DMRTA2: variants seen among roughly 807,000 people sequenced by gnomAD.
The protein encoded by DMRTA2 is doublesex- and mab-3-related transcription factor A2.
In DMRTA2, 10 loss-of-function variants were observed where a neutral mutation model predicts 29.7. The ratio of observed to expected loss-of-function variants is 0.34; its 90% CI spans 0.21 to 0.57. DMRTA2 has a LOEUF of 0.57. Among genes scored for constraint, DMRTA2 ranks in the 20% least tolerant of loss-of-function variants. The probability of loss-of-function intolerance (pLI) is 0.87; values close to 1 mark genes in which losing one functional copy is unlikely to be tolerated. For synonymous variants in DMRTA2, 469 were observed against 402.6 expected, an observed-to-expected ratio of 1.16 and a Z score of -1.97; for missense variants, 783 against 812.1, an observed-to-expected ratio of 0.96 and a Z score of 0.44.
rs1344912935 is a variant in DMRTA2 at position 50,418,071 on chromosome 1, A to C, written c.*594T>G. 1 of 151,984 alleles carries C rather than the reference A, an allele frequency of 6.6e-6. No individual in the cohort carries two copies. The highest frequency in any genetic ancestry group is 1.5e-5 in the Non-Finnish European group (1 of 68,032). 9.4% of individuals were successfully genotyped at this position (151,984 alleles called of 1,614,324 possible). A position where few individuals can be genotyped will look rare whatever the true frequency, so the allele number is the denominator to read the frequency against. ...ACCAAGGAAACCCATGCTTATCGGC[A>C]TAAGCAACAAAGAGAGCGACAAATA... On this transcript the variant is annotated 3_prime_UTR_variant, in exon 3 of 3. Transcript: ENST00000404795.
Position 50,419,514 on chromosome 1 carries a change from A to C in DMRTA2, c.780T>G (p.Gly260=), listed in dbSNP as rs189260891. ...SPLARASKEA[G]GSCPGSAGPG... ...GGCCAGCGCTGCCTGGGCAGCTGCCACCTGCCTCTTTGGAGGCCCGAGCTA... is the reference window on the plus strand; with the variant it reads ...GGCCAGCGCTGCCTGGGCAGCTGCCCCCTGCCTCTTTGGAGGCCCGAGCTA... The change falls in exon 3 of 3, where the codon GGT becomes GGG. Residue 260 remains glycine (G), a synonymous_variant. Coordinates refer to ENST00000404795, the MANE Select transcript of DMRTA2 (RefSeq NM_032110.3). This position sits in a 1 kb window ranked among gnomAD's most constrained non-coding sequence, Gnocchi z 6.1. The C allele has an allele frequency of 2.5e-6, 4 of 1,586,090 alleles. No individual in the cohort carries two copies.
Position 50,421,065 on chromosome 1 carries a change from C to G in DMRTA2, c.472G>C (p.Gly158Arg). Residue 158 changes from glycine to arginine, a missense_variant, in exon 2 of 3, where the codon GGT (glycine) becomes CGT (arginine). Gly to Arg is a moderately radical substitution (Grantham distance 125). Coordinates refer to ENST00000404795, the MANE Select transcript of DMRTA2 (RefSeq NM_032110.3). This position sits in a 1 kb window ranked among gnomAD's most constrained non-coding sequence, Gnocchi z 8.7. The stretch of plus-strand genomic sequence containing the variant: ...CCGCCGTCGGCGGCGCACACTGAAC[C>G]GAAGACCTCGTAGGCGGGCCTCGGG... ...IPPRPAYEVF[G>R]SVCAADGGGP... 1 of 1,520,636 alleles carries G rather than the reference C, an allele frequency of 6.6e-7. No individual in the cohort carries two copies. Among genetic ancestry groups the G allele is most frequent in the South Asian group, 1.2e-5 (1 of 82,524 alleles). 94.2% of individuals were successfully genotyped at this position (1,520,636 alleles called of 1,614,324 possible).
chr1:50,421,073 T>C lies in DMRTA2; in HGVS notation c.464A>G (p.Glu155Gly). Residue 155 changes from glutamate (E) to glycine (G), a missense_variant, in exon 2 of 3, where the codon GAG becomes GGG. Coordinates refer to ENST00000404795, the MANE Select transcript of DMRTA2 (RefSeq NM_032110.3). This position sits in a 1 kb window ranked among gnomAD's most constrained non-coding sequence, Gnocchi z 8.7. ...NGIIPPRPAY[E>G]VFGSVCAADG... ...GGCGGCGCACACTGAACCGAAGACCTCGTAGGCGGGCCTCGGGGGGATGAT... is the reference window on the plus strand; with the variant it reads ...GGCGGCGCACACTGAACCGAAGACCCCGTAGGCGGGCCTCGGGGGGATGAT... The C allele has an allele frequency of 6.6e-7, 1 of 1,521,504 alleles. No individual in the cohort carries two copies. Among genetic ancestry groups the C allele is most frequent in the East Asian group, 2.6e-5 (1 of 38,538 alleles). The allele number at this position is 1,521,504 out of a possible 1,614,324, so 94.3% of individuals were successfully genotyped here.
chr1:50,418,366 C>G lies in DMRTA2; in HGVS notation c.*299G>C, dbSNP rs1167405141. On this transcript the variant is annotated 3_prime_UTR_variant, in exon 3 of 3. Coordinates refer to ENST00000404795, the MANE Select transcript of DMRTA2 (RefSeq NM_032110.3). ...GCTGCTGTCGCAGCCTCTGAATTCTCATGAATTCCCAGCCTTTTGGAAAGG... is the reference window on the plus strand; with the variant it reads ...GCTGCTGTCGCAGCCTCTGAATTCTGATGAATTCCCAGCCTTTTGGAAAGG... The G allele has an allele frequency of 1.7e-5, 5 of 292,202 alleles. No individual in the cohort carries two copies. The highest frequency in any genetic ancestry group is 1.3e-5 in the Non-Finnish European group (2 of 158,598). The allele number at this position is 292,202 out of a possible 1,614,324, so 18.1% of individuals were successfully genotyped here. A position where few individuals can be genotyped will look rare whatever the true frequency, so the allele number is the denominator to read the frequency against.
rs1646052881 is a variant in DMRTA2, at chr1:50,423,310, G to T, written c.-203C>A. 1 of 152,236 alleles carries T rather than the reference G, an allele frequency of 6.6e-6. No homozygotes were observed. Among genetic ancestry groups the T allele is most frequent in the Admixed American group, 6.5e-5 (1 of 15,288 alleles). The allele number at this position is 152,236 out of a possible 1,614,324, so 9.4% of individuals were successfully genotyped here. A position where few individuals can be genotyped will look rare whatever the true frequency, so the allele number is the denominator to read the frequency against. ...GTCCAACCCTCCCTTCAGAAATCCG[G>T]GTCGGAGGCTCGTCTGCGGGCCGCG... On this transcript the variant is annotated 5_prime_UTR_variant, in exon 1 of 3. Coordinates refer to ENST00000404795, the MANE Select transcript of DMRTA2 (RefSeq NM_032110.3).
Position 50,420,242 on chromosome 1 carries a change from C to G in DMRTA2, c.560-508G>C, listed in dbSNP as rs779250684. Among the ~76,000 whole-genome samples the G allele has an allele frequency of 1.3e-5, 2 of 152,146 alleles. No individual in the cohort carries two copies. Among genetic ancestry groups the G allele is most frequent in the African/African-American group, 2.4e-5 (1 of 41,424 alleles). On this transcript the variant is annotated intron_variant, in intron 2 of 2. Transcript: ENST00000404795. This position sits in a 1 kb window ranked among gnomAD's most constrained non-coding sequence, Gnocchi z 4.1. Reference sequence around the variant, plus strand: ...CAGAAGTACAGCCCCTGTTTCTAATCCACCCTTTCCAAAATTGAGACCTGA... The same window carrying G: ...CAGAAGTACAGCCCCTGTTTCTAATGCACCCTTTCCAAAATTGAGACCTGA...
rs1004487148 is a variant in DMRTA2, at chr1:50,418,675, T to C, written c.1619A>G (p.Glu540Gly). The C allele has an allele frequency of 5.7e-6, 8 of 1,404,046 alleles. No homozygotes were observed. The highest frequency in any genetic ancestry group is 2.6e-4 in the Middle Eastern group (1 of 3,916). 87.0% of individuals were successfully genotyped at this position (1,404,046 alleles called of 1,614,324 possible). Residue 540 changes from glutamate (E) to glycine (G), a missense_variant, in exon 3 of 3, where the codon GAG becomes GGG. Physicochemically the swap from Glu to Gly is moderately conservative, Grantham distance 98. Transcript: ENST00000404795. The stretch of plus-strand genomic sequence containing the variant: ...GCCAGGCCCCTCGCCCTACTGCTTC[T>C]CCGGAGCGCCGTTGACCATAGGCCC... ...LYGPMVNGAP[E>G]KQ
rs1353342735 is a variant in DMRTA2 at position 50,420,962 on chromosome 1, C to G, written c.559+16G>C. On this transcript the variant is annotated intron_variant, in intron 2 of 2. Transcript: ENST00000404795. The surrounding 1 kb of genome is among the most constrained non-coding windows in gnomAD (Gnocchi z 4.1). Reference sequence around the variant, plus strand: ...CGATCCTGCTGCCCCTACCTGCGGCCTGGCCGCGCTCTCACCTGAGCCCCC... The same window carrying G: ...CGATCCTGCTGCCCCTACCTGCGGCGTGGCCGCGCTCTCACCTGAGCCCCC... The G allele has an allele frequency of 4.2e-6, 6 of 1,444,328 alleles. No individual in the cohort carries two copies. Among genetic ancestry groups the G allele is most frequent in the African/African-American group, 1.5e-5 (1 of 66,726 alleles). The allele number at this position is 1,444,328 out of a possible 1,614,324, so 89.5% of individuals were successfully genotyped here.
rs984014661 is a variant in DMRTA2, at chr1:50,418,143, T to A, written c.*522A>T. 1 of 152,010 alleles carries A rather than the reference T, an allele frequency of 6.6e-6. No individual in the cohort carries two copies. Among genetic ancestry groups the A allele is most frequent in the Non-Finnish European group, 1.5e-5 (1 of 68,024 alleles). The allele number at this position is 152,010 out of a possible 1,614,324, so 9.4% of individuals were successfully genotyped here. On this transcript the variant is annotated 3_prime_UTR_variant, in exon 3 of 3. Transcript: ENST00000404795. Reference sequence around the variant, plus strand: ...TTAAAACTTGTTTCCTTTTTTTTTTTTTACAATTGTATCGATATATATGTG... The same window carrying A: ...TTAAAACTTGTTTCCTTTTTTTTTTATTACAATTGTATCGATATATATGTG...
Position 50,418,640 on chromosome 1 carries a change from C to G in DMRTA2, c.*25G>C. 1.5e-6 allele frequency: 2 copies of G among 1,368,414 alleles called. No homozygotes were observed. The highest frequency in any genetic ancestry group is 1.9e-6 in the Non-Finnish European group (2 of 1,057,412). The allele number at this position is 1,368,414 out of a possible 1,614,324, so 84.8% of individuals were successfully genotyped here. Reference sequence around the variant, plus strand: ...CAGGGCTGGGGTTCCTGTTTGGGGACCGGCCGGCTGCCAGGCCCCTCGCCC... The same window carrying G: ...CAGGGCTGGGGTTCCTGTTTGGGGAGCGGCCGGCTGCCAGGCCCCTCGCCC... On this transcript the variant is annotated 3_prime_UTR_variant, in exon 3 of 3. Coordinates refer to ENST00000404795, the MANE Select transcript of DMRTA2 (RefSeq NM_032110.3).
rs1383988784 is a variant in DMRTA2 at position 50,422,413 on chromosome 1, A to G, written c.-9+703T>C. On this transcript the variant is annotated intron_variant, in intron 1 of 2. Coordinates refer to ENST00000404795, the MANE Select transcript of DMRTA2 (RefSeq NM_032110.3). This position sits in a 1 kb window ranked among gnomAD's most constrained non-coding sequence, Gnocchi z 5.7. The stretch of plus-strand genomic sequence containing the variant: ...CAAAGATGAGCTTCATGGGCAAGGA[A>G]AACAGTGAAAAGCAGCTGATCTGGG... 1.3e-5 allele frequency among the ~76,000 whole-genome samples: 2 copies of G among 152,194 alleles called. No individual in the cohort carries two copies. Among genetic ancestry groups the G allele is most frequent in the Non-Finnish European group, 2.9e-5 (2 of 68,040 alleles).
Position 50,418,847 on chromosome 1 carries a change from T to G in DMRTA2, c.1447A>C (p.Met483Leu). 3 of 1,571,060 alleles carry G rather than the reference T, an allele frequency of 1.9e-6. No homozygotes were observed. The highest frequency in any genetic ancestry group is 2.6e-6 in the Non-Finnish European group (3 of 1,162,650). ...AAAHSRGLAF[M>L]APYSTAGLVP... ...AAGCCGGCAGTGGAGTAGGGCGCCA[T>G]GAAGGCCAGACCGCGGCTGTGCGCC... The change falls in exon 3 of 3, where the codon ATG becomes CTG. Residue 483 changes from methionine (M) to leucine (L), a missense_variant. Physicochemically the swap from Met to Leu is conservative, Grantham distance 15. This residue lies in a region of DMRTA2 where 667 missense variants were observed against 624.8 expected (regional missense o/e 1.07). Transcript: ENST00000404795.
At position 50,418,952 on chromosome 1, in the gene DMRTA2, A is replaced by T; in HGVS notation, c.1342T>A (p.Phe448Ile). ...GGGTAGGCGCCCGCGTCGGCACCGA[A>T]GTGACTGGCGTTGGGCTGCAGCGGC... ...FSPLQPNASHFGADAGAYPLG... is the reference protein window; with the variant it reads ...FSPLQPNASHIGADAGAYPLG... Residue 448 changes from phenylalanine to isoleucine, a missense_variant, in exon 3 of 3, where the codon TTC becomes ATC. By Grantham distance (21) the Phe-to-Ile change is conservative. Around this residue, in one of 3 missense-constraint regions of DMRTA2, gnomAD observed 667 missense variants for 624.8 expected, o/e 1.07. Transcript: ENST00000404795. 6.9e-7 allele frequency: 1 copy of T among 1,451,612 alleles called. No homozygotes were observed. The highest frequency in any genetic ancestry group is 9.0e-7 in the Non-Finnish European group (1 of 1,107,188). The allele number at this position is 1,451,612 out of a possible 1,614,324, so 89.9% of individuals were successfully genotyped here.
At position 50,420,970 on chromosome 1, in the gene DMRTA2, G is replaced by GCT; in HGVS notation, c.559+6_559+7dup. 1 of 1,464,802 alleles carries GCT rather than the reference G, an allele frequency of 6.8e-7. No homozygotes were observed. Among genetic ancestry groups the GCT allele is most frequent in the South Asian group, 1.3e-5 (1 of 74,882 alleles). The allele number at this position is 1,464,802 out of a possible 1,614,324, so 90.7% of individuals were successfully genotyped here. On this transcript the variant is annotated splice_region_variant and intron_variant, in intron 2 of 2. Transcript: ENST00000404795. The surrounding 1 kb of genome is among the most constrained non-coding windows in gnomAD (Gnocchi z 4.1). ...CTGCCCCTACCTGCGGCCTGGCCGC[G>GCT]CTCTCACCTGAGCCCCCTGCGCCAG...
At chr1:50,423,082 C>A (rs145739323) in intron 1 of DMRTA2, 34 bp downstream of exon 1, 1 of 152,502 alleles carries the variant, frequency 6.6e-6, no homozygotes, top group African/African-American at 2.4e-5. Flanking sequence ...CAGGTCTCCA[C>A]CCACTGCTCT....
rs753188200 is a variant in DMRTA2, at chr1:50,422,224, G to C, written c.-8-680C>G. 6.6e-6 allele frequency among the ~76,000 whole-genome samples: 1 copy of C among 152,246 alleles called. No individual in the cohort carries two copies. The highest frequency in any genetic ancestry group is 1.5e-5 in the Non-Finnish European group (1 of 68,048). ...CGAGGAAACAACTTGGGCAAAGTTA[G>C]GCCCAGTGGCTCTGGGACCCGTAAA... On this transcript the variant is annotated intron_variant, in intron 1 of 2. Coordinates refer to ENST00000404795, the MANE Select transcript of DMRTA2 (RefSeq NM_032110.3). The surrounding 1 kb of genome is among the most constrained non-coding windows in gnomAD (Gnocchi z 5.7).
chr1:50,419,893 GCT>G lies in DMRTA2; in HGVS notation c.560-161_560-160del, dbSNP rs1255209021. 6.6e-6 allele frequency among the ~76,000 whole-genome samples: 1 copy of G among 151,870 alleles called. No individual in the cohort carries two copies. The highest frequency in any genetic ancestry group is 1.9e-4 in the East Asian group (1 of 5,168). On this transcript the variant is annotated intron_variant, in intron 2 of 2. Transcript: ENST00000404795. The surrounding 1 kb of genome is among the most constrained non-coding windows in gnomAD (Gnocchi z 6.1). ...TTCTTTTTGCTCTAGCATTCCTTCC[GCT>G]CTGAGCCCCTACAGCCCTGACCCCA...
Position 50,419,619 on chromosome 1 carries a change from C to A in DMRTA2, c.675G>T (p.Gly225=). Residue 225 remains glycine, a synonymous_variant, in exon 3 of 3, where the codon GGG becomes GGT. Coordinates refer to ENST00000404795, the MANE Select transcript of DMRTA2 (RefSeq NM_032110.3). The surrounding 1 kb of genome is among the most constrained non-coding windows in gnomAD (Gnocchi z 6.1). ...KPLSPDGADS[G]PGTSSPEVRP... is the part of the protein sequence containing the mutation. ...GCACCTCTGGGGACGACGTCCCGGG[C>A]CCCGAGTCTGCGCCGTCGGGTGATA... is the stretch of plus-strand genomic sequence containing the variant. 1.3e-6 allele frequency: 2 copies of A among 1,529,714 alleles called. No homozygotes were observed. The highest frequency in any genetic ancestry group is 1.4e-5 in the African/African-American group (1 of 70,492). 94.8% of individuals were successfully genotyped at this position (1,529,714 alleles called of 1,614,324 possible).
At position 50,421,458 on chromosome 1, in the gene DMRTA2, C is replaced by A; in HGVS notation, c.79G>T (p.Ala27Ser). 7.6e-7 allele frequency: 1 copy of A among 1,312,582 alleles called. No individual in the cohort carries two copies. Among genetic ancestry groups the A allele is most frequent in the Non-Finnish European group, 9.6e-7 (1 of 1,036,952 alleles). The allele number at this position is 1,312,582 out of a possible 1,614,324, so 81.3% of individuals were successfully genotyped here. A position where few individuals can be genotyped will look rare whatever the true frequency, so the allele number is the denominator to read the frequency against. The change falls in exon 2 of 3, where the codon GCG becomes TCG. Residue 27 changes from alanine to serine, a missense_variant. Transcript: ENST00000404795. The surrounding 1 kb of genome is among the most constrained non-coding windows in gnomAD (Gnocchi z 8.7). The part of the protein sequence containing the change: ...AAATATGPPV[A>S]SVASVAAAAA... The stretch of plus-strand genomic sequence containing the variant: ...GCTGCCGCCACCGACGCCACCGACG[C>A]CACAGGCGGCCCCGTCGCTGTTGCC...
Sources: allele counts gnomAD v4.1 joint callset (sites outside exome capture counted in the v4.1 genomes callset), GRCh38; gene constraint gnomAD v4.1.1; regional missense constraint gnomAD v4.1.1; non-coding constraint Gnocchi (gnomAD v3.1); transcripts MANE v1.5; gene names NCBI Gene and HGNC (gene_info 2026-07-23, HGNC 2026-07-21).